Variants in CEMIP observed in about 807,000 individuals in gnomAD.
CEMIP encodes cell migration inducing hyaluronidase 1.
A neutral mutation model predicts 156.9 loss-of-function variants in CEMIP; 105 were observed. That is an observed-to-expected ratio of 0.67 (90% CI 0.57 to 0.79). CEMIP has a LOEUF of 0.79. CEMIP is among the 30% of genes least tolerant of loss of function. The pLI is 0.00. For synonymous variants in CEMIP, 676 were observed against 668.4 expected, an observed-to-expected ratio of 1.01 and a Z score of -0.17; for missense variants, 1,457 against 1,769.4, an observed-to-expected ratio of 0.82 and a Z score of 3.17.
intron 12 of CEMIP, among the ~76,000 whole-genome samples, chr15:80,897,611 T>A (rs144727868): frequency 1.1e-3 from 168 of 152,342 alleles, no homozygotes; most frequent in African/African-American, 3.8e-3. Context: ...AGACATTTGT[T>A]CCTTGACAAA....
intron 1 of CEMIP, among the ~76,000 whole-genome samples, chr15:80,786,868 A>G (rs571088799): frequency 7.6e-4 from 115 of 152,226 alleles, no homozygotes; most frequent in Non-Finnish European, 1.4e-3. Context: ...AAAACCTGGT[A>G]AGGAAAAAGA....
chr15:80,902,792 T>C (rs3935459), intron 12 of CEMIP, among the ~76,000 whole-genome samples: 6,519 of 152,156 alleles, frequency 0.043, 471 homozygotes, highest in African/African-American at 0.15. Context: ...TTATTATAGG[T>C]GTGAAGCCAG....
intron 1 of CEMIP, among the ~76,000 whole-genome samples, chr15:80,839,588 GA>G (rs1254213964): frequency 2.0e-5 from 3 of 152,114 alleles, no homozygotes; most frequent in Non-Finnish European, 2.9e-5. Context: ...TGTGCAGTGG[GA>G]AAAGGCAACA....
At chr15:80,855,072 A>T (rs1274824254) in intron 1 of CEMIP, among the ~76,000 whole-genome samples, 1 of 152,214 alleles carries the variant, frequency 6.6e-6, no homozygotes, top group African/African-American at 2.4e-5. Context: ...CTGTAGTCCT[A>T]GCCACTCAGG....
chr15:80,875,469 T>A (rs1898444697), intron 3 of CEMIP, among the ~76,000 whole-genome samples: 1 of 152,216 alleles, frequency 6.6e-6, no homozygotes, highest in African/African-American at 2.4e-5. Flanking sequence ...TTTGGGTTTA[T>A]CTTTTAGGGT....
rs375461698 is a variant in CEMIP, at chr15:80,931,718, AGGAATGGTTTTACCCAG to A, written c.2613-139_2613-123del. 1,136 of 737,492 alleles carry A rather than the reference AGGAATGGTTTTACCCAG, an allele frequency of 1.5e-3. 6 individuals are homozygous for A. The African/African-American group carries it at 0.017, about 11-fold the overall frequency. 45.7% of individuals were successfully genotyped at this position (737,492 alleles called of 1,614,324 possible). On this transcript the variant is annotated intron_variant, in intron 21 of 29. Transcript: ENST00000394685. ...GGGGGAGTTTCTAGAGGTGGGGATC[AGGAATGGTTTTACCCAG>A]GAAGTCTCTGCTACCATCCACCTCA...
intron 14 of CEMIP, among the ~76,000 whole-genome samples, chr15:80,916,457 A>G (rs1359027478): frequency 6.6e-6 from 1 of 152,188 alleles, no homozygotes; most frequent in Non-Finnish European, 1.5e-5. Context: ...GAAAAATACA[A>G]TTTGTGCAAG....
At chr15:80,874,259 A>G (rs965621997) in intron 3 of CEMIP, among the ~76,000 whole-genome samples, 1 of 152,254 alleles carries the variant, frequency 6.6e-6, no homozygotes, top group Non-Finnish European at 1.5e-5. Context: ...CTGACCAGGT[A>G]GCGACTGTGG....
chr15:80,887,586 A>T, intron 7 of CEMIP, 108 bp from the exon 8 acceptor site: 4 of 700,174 alleles, frequency 5.7e-6, no homozygotes, highest in Non-Finnish European at 1.0e-5. Flanking sequence ...GCAGGGAGGG[A>T]CCCTCCTTCA....
intron 1 of CEMIP, among the ~76,000 whole-genome samples, chr15:80,838,593 ATGT>A (rs1221354191): frequency 1.3e-5 from 2 of 152,006 alleles, no homozygotes; most frequent in African/African-American, 2.4e-5. Flanking sequence ...TCTTTCCTCT[ATGT>A]TGTTCTACGC....
intron 1 of CEMIP, among the ~76,000 whole-genome samples, chr15:80,789,952 C>G (rs893484208): frequency 1.3e-5 from 2 of 152,172 alleles, no homozygotes; most frequent in Non-Finnish European, 2.9e-5. Flanking sequence ...GAGGACATCA[C>G]CCCTCTGAGC....
chr15:80,900,249 G>A (rs1206326937), intron 12 of CEMIP, among the ~76,000 whole-genome samples: 1 of 152,202 alleles, frequency 6.6e-6, no homozygotes, highest in Non-Finnish European at 1.5e-5. Flanking sequence ...GTCCATGCAG[G>A]AGAGCTGCTC....
intron 1 of CEMIP, among the ~76,000 whole-genome samples, chr15:80,783,664 G>A (rs1895853461): frequency 6.6e-6 from 1 of 152,166 alleles, no homozygotes; most frequent in Non-Finnish European, 1.5e-5. Context: ...GAGTAGGATG[G>A]TGACTGTCAT....
At position 80,896,056 on chromosome 15, in the gene CEMIP, G is replaced by A. The variant is rs1381135167; in HGVS notation, c.1407G>A (p.Val469=). 1 of 1,613,834 alleles carries A rather than the reference G, an allele frequency of 6.2e-7. No individual in the cohort carries two copies. The highest frequency in any genetic ancestry group is 1.1e-5 in the South Asian group (1 of 91,068). Residue 469 remains valine, a synonymous_variant, in exon 12 of 30, where the codon GTG becomes GTA. Coordinates refer to ENST00000394685, the MANE Select transcript of CEMIP (RefSeq NM_001293298.2). ...CRSCAPNQVK[V]AGKPMYLHIG... ...CCTGCGCCCCCAACCAGGTCAAAGT[G>A]GCAGGTAGGACTTTTACTAATCCCT...
Position 80,873,862 on chromosome 15 carries a change from AG to A in CEMIP, c.-15del. 6.4e-7 allele frequency: 1 copy of A among 1,564,242 alleles called. No homozygotes were observed. The highest frequency in any genetic ancestry group is 8.7e-7 in the Non-Finnish European group (1 of 1,151,112). ...GTCTGACTCTGTGTGCTTCTCTTTC[AG>A]GGAGCACACTGCCAGGATGGGAGCT... On this transcript the variant is annotated splice_acceptor_variant, in intron 2 of 29. Coordinates refer to ENST00000394685, the MANE Select transcript of CEMIP (RefSeq NM_001293298.2). LOFTEE classifies it low-confidence loss of function (5UTR_SPLICE).
chr15:80,920,007 T>C (rs542064456), intron 14 of CEMIP, 87 bp from the exon 15 acceptor site: 15 of 1,205,346 alleles, frequency 1.2e-5, no homozygotes, highest in Non-Finnish European at 1.9e-5. Flanking sequence ...AATGAGCACA[T>C]GAGACTATTT....
intron 19 of CEMIP, among the ~76,000 whole-genome samples, chr15:80,926,332 C>T (rs1161704376): frequency 1.3e-5 from 2 of 152,186 alleles, no homozygotes; most frequent in Admixed American, 6.5e-5. Flanking sequence ...CTGGCACATG[C>T]TGGACAAGGA....
At chr15:80,887,001 T>C (rs576157862) in intron 7 of CEMIP, among the ~76,000 whole-genome samples, 61 of 152,308 alleles carry the variant, frequency 4.0e-4, no homozygotes, top group African/African-American at 1.1e-3. Flanking sequence ...ATATGCCAAG[T>C]TGCCATTTTG....
rs375239994 is a variant in CEMIP at position 80,895,067 on chromosome 15, C to T, written c.1164C>T (p.Tyr388=). 2.8e-5 allele frequency: 45 copies of T among 1,614,096 alleles called. No homozygotes were observed. The Middle Eastern group carries it at 4.9e-4, about 18-fold the overall frequency. ...KKGQDYRFAC[Y]DRGRACRSYR... ...GCCAGGATTATAGGTTTGCTTGCTA[C>T]GACCGGGGCAGAGCCTGCCGGAGCT... The change falls in exon 11 of 30, where the codon TAC becomes TAT. Residue 388 remains tyrosine, a synonymous_variant. Coordinates refer to ENST00000394685, the MANE Select transcript of CEMIP (RefSeq NM_001293298.2).
Sources: allele counts gnomAD v4.1 joint callset (sites outside exome capture counted in the v4.1 genomes callset), GRCh38; gene constraint gnomAD v4.1.1; transcripts MANE v1.5; gene names NCBI Gene and HGNC (gene_info 2026-07-23, HGNC 2026-07-21).